Variants in CDH4 observed in about 807,000 individuals in gnomAD.
CDH4 encodes cadherin 4.
Under a neutral mutation model 86.0 loss-of-function variants are expected in CDH4, and 33 were observed. The ratio of observed to expected loss-of-function variants is 0.38; its 90% confidence interval spans 0.29 to 0.51. CDH4 has a LOEUF of 0.51. Among genes scored for constraint, CDH4 ranks in the 20% least tolerant of loss-of-function variants. The pLI, the probability that CDH4 is intolerant of heterozygous loss-of-function variation, is 0.86. For missense variants in CDH4, 1,114 were observed against 1,307.4 expected (o/e 0.85, Z 2.28); for synonymous variants, 555 against 549.4 (o/e 1.01, Z -0.14).
At chr20:61,751,902 G>A (rs558542225) in intron 3 of CDH4, among the ~76,000 whole-genome samples, 2 of 152,328 alleles carry the variant, frequency 1.3e-5, no homozygotes, top group South Asian at 2.1e-4. Context: ...TCCATTTGAG[G>A]TGGACTGAAA....
rs528565351 is a variant in CDH4, at chr20:61,377,920, C to T, written c.169+122983C>T. ...CTTCATGTGCCGTGATGTTGACTCA[C>T]GTGATCTGGATAAATGACTTAGGAA... On this transcript the variant is annotated intron_variant, in intron 2 of 15. Transcript: ENST00000614565. This position sits in a 1 kb window ranked among gnomAD's most constrained non-coding sequence, Gnocchi z 4.0. Among the ~76,000 whole-genome samples the T allele has an allele frequency of 2.1e-4, 32 of 152,218 alleles. No homozygotes were observed. Among genetic ancestry groups the T allele is most frequent in the Non-Finnish European group, 4.3e-4 (29 of 68,038 alleles).
chr20:61,929,890 G>C, intron 13 of CDH4, 48 bp downstream of exon 13: 1 of 1,470,886 alleles, frequency 6.8e-7, no homozygotes, highest in Non-Finnish European at 9.5e-7. Context: ...GTGGGTATGA[G>C]TGCCCTGTCC....
Position 61,744,715 on chromosome 20 carries a change from C to T in CDH4, c.396+926C>T, listed in dbSNP as rs553571641. Reference sequence around the variant, plus strand: ...GGCTCACCCGGGTGACAGGGAGGGGCGCCTTCACCATGCCCTGTCCTGAGG... The same window carrying T: ...GGCTCACCCGGGTGACAGGGAGGGGTGCCTTCACCATGCCCTGTCCTGAGG... On this transcript the variant is annotated intron_variant, in intron 3 of 15. Transcript: ENST00000614565. Among the ~76,000 whole-genome samples, 20 of 152,278 alleles carry T rather than the reference C, an allele frequency of 1.3e-4. No individual in the cohort carries two copies. The East Asian group carries it at 3.1e-3, about 24-fold the overall frequency.
chr20:61,599,354 A>T (rs2086580563), intron 2 of CDH4, among the ~76,000 whole-genome samples: 1 of 152,142 alleles, frequency 6.6e-6, no homozygotes, highest in South Asian at 2.1e-4. Context: ...CGCTGGATGG[A>T]TGTGCCTGAG....
intron 4 of CDH4, among the ~76,000 whole-genome samples, chr20:61,832,989 G>A (rs921891846): frequency 1.4e-4 from 22 of 152,180 alleles, no homozygotes; most frequent in African/African-American, 5.3e-4. Flanking sequence ...AGAAGTGTGA[G>A]GCAGCAGAAG....
intron 2 of CDH4, among the ~76,000 whole-genome samples, chr20:61,622,091 C>T (rs1211268879): frequency 6.6e-6 from 1 of 152,210 alleles, no homozygotes; most frequent in African/African-American, 2.4e-5. Flanking sequence ...CAAGGGTTGG[C>T]TGCTCACTGA....
chr20:61,397,893 C>T (rs549129012), intron 2 of CDH4, among the ~76,000 whole-genome samples: 3 of 152,064 alleles, frequency 2.0e-5, no homozygotes, highest in Non-Finnish European at 2.9e-5. Flanking sequence ...TTGGCCGTAT[C>T]GCAGCTGCTA....
In CDH4 at chr20:61,811,950, G is replaced by T. The variant is rs1218045130; in HGVS notation, c.577-32718G>T. Among the ~76,000 whole-genome samples, 1 of 152,138 alleles carries T rather than the reference G, an allele frequency of 6.6e-6. No homozygotes were observed. The highest frequency in any genetic ancestry group is 2.4e-5 in the African/African-American group (1 of 41,422). On this transcript the variant is annotated intron_variant, in intron 4 of 15. Coordinates refer to ENST00000614565, the MANE Select transcript of CDH4 (RefSeq NM_001794.5). This position sits in a 1 kb window ranked among gnomAD's most constrained non-coding sequence, Gnocchi z 4.4. ...GCCTCCCAAAGTGCTAGGATTATAG[G>T]CATGAGCCACTGCACCTAGCCGCCT...
At chr20:61,693,888 T>TC (rs1489669138) in intron 2 of CDH4, among the ~76,000 whole-genome samples, 1 of 133,906 alleles carries the variant, frequency 7.5e-6, no homozygotes, top group East Asian at 2.1e-4. Context: ...TTCTTTCTTT[T>TC]TTTTTTTTTT....
intron 7 of CDH4, among the ~76,000 whole-genome samples, chr20:61,876,293 G>T (rs1336858731): frequency 1.3e-5 from 2 of 152,244 alleles, no homozygotes; most frequent in African/African-American, 4.8e-5. Context: ...GGGGCCAAAA[G>T]GGCAGTGGGG....
intron 3 of CDH4, among the ~76,000 whole-genome samples, chr20:61,747,213 G>A (rs1032603197): frequency 7.2e-5 from 11 of 152,246 alleles, no homozygotes; most frequent in Middle Eastern, 3.4e-3. Context: ...AGGCCGAGGC[G>A]GGCGGATCAT....
chr20:61,741,716 C>T (rs2088339430), intron 2 of CDH4, among the ~76,000 whole-genome samples: 1 of 152,136 alleles, frequency 6.6e-6, no homozygotes, highest in Admixed American at 6.5e-5. Context: ...TGGTCTCGAT[C>T]CCCTGACCTC....
rs1340814991 is a variant in CDH4, at chr20:61,938,749, G to A, written c.*1806G>A. On this transcript the variant is annotated 3_prime_UTR_variant, in exon 16 of 16. Transcript: ENST00000614565. ...CTTTTCTGAACAGCTTTGGCCTTGA[G>A]TGCACACATCTGTGCCAGGCTCACG... 6.6e-6 allele frequency: 1 copy of A among 152,382 alleles called. No individual in the cohort carries two copies. The highest frequency in any genetic ancestry group is 1.5e-5 in the Non-Finnish European group (1 of 68,144). The allele number at this position is 152,382 out of a possible 1,614,324, so 9.4% of individuals were successfully genotyped here. A position where few individuals can be genotyped will look rare whatever the true frequency, so the allele number is the denominator to read the frequency against.
At chr20:61,914,176 A>T (rs2122939319) in intron 9 of CDH4, among the ~76,000 whole-genome samples, 1 of 152,282 alleles carries the variant, frequency 6.6e-6, no homozygotes, top group South Asian at 2.1e-4. Context: ...TCAGGACCCC[A>T]AACCCACTAT....
chr20:61,398,672 C>T (rs545045744), intron 2 of CDH4, among the ~76,000 whole-genome samples: 3 of 152,322 alleles, frequency 2.0e-5, no homozygotes, highest in East Asian at 1.9e-4. Context: ...TCCATGTCTA[C>T]GAACTGAATT....
intron 2 of CDH4, among the ~76,000 whole-genome samples, chr20:61,530,416 G>A (rs1446600672): frequency 6.6e-6 from 1 of 152,082 alleles, no homozygotes; most frequent in Non-Finnish European, 1.5e-5. Flanking sequence ...GGGGCCTTTT[G>A]GTCTTGACTG....
chr20:61,633,203 A>G (rs2086912309), intron 2 of CDH4, among the ~76,000 whole-genome samples: 1 of 146,766 alleles, frequency 6.8e-6, no homozygotes, highest in Non-Finnish European at 1.5e-5. Context: ...CCATTCATCC[A>G]TCCTTCCATC....
intron 2 of CDH4, among the ~76,000 whole-genome samples, chr20:61,297,786 A>G (rs1292426872): frequency 1.3e-5 from 2 of 152,158 alleles, no homozygotes; most frequent in Non-Finnish European, 2.9e-5. Flanking sequence ...GGGGCTTCCC[A>G]TTGTCTTAGC....
intron 4 of CDH4, among the ~76,000 whole-genome samples, chr20:61,824,021 C>T (rs779097385): frequency 1.6e-4 from 25 of 152,176 alleles, no homozygotes; most frequent in Non-Finnish European, 2.6e-4. Context: ...ATTTTGTTTG[C>T]CACTGTTAAA....
Sources: allele counts gnomAD v4.1 joint callset (sites outside exome capture counted in the v4.1 genomes callset), GRCh38; gene constraint gnomAD v4.1.1; non-coding constraint Gnocchi (gnomAD v3.1); transcripts MANE v1.5; gene names NCBI Gene and HGNC (gene_info 2026-07-23, HGNC 2026-07-21).